The following PCDHGB3 variants were observed in gnomAD, a reference collection of about 807,000 sequenced individuals.
PCDHGB3 encodes protocadherin gamma-B3.
A neutral mutation model predicts 59.2 loss-of-function variants in PCDHGB3; 40 were observed. The observed-to-expected ratio is 0.68, with a 90% CI of 0.52 to 0.88. The LOEUF (loss-of-function observed/expected upper bound fraction) is 0.88, where lower values mean the gene tolerates loss of function less well. Among genes scored for constraint, PCDHGB3 ranks in the 40% least tolerant of loss-of-function variants. PCDHGB3 has a pLI of 0.00. For missense variants in PCDHGB3, 1,309 were observed against 1,187.9 expected (o/e 1.10, Z -1.50); for synonymous variants, 581 against 503.6 (o/e 1.15, Z -2.06).
chr5:141,447,056 G>A (rs1452688256), intron 1 of PCDHGB3, among the ~76,000 whole-genome samples: 1 of 152,058 alleles, frequency 6.6e-6, no homozygotes, highest in Non-Finnish European at 1.5e-5. Flanking sequence ...CTATTAAAAT[G>A]TGTCAGGCTG....
Position 141,487,650 on chromosome 5 carries a change from G to T in PCDHGB3, c.2416-7157G>T, listed in dbSNP as rs772715932. The T allele has an allele frequency of 6.8e-6, 11 of 1,613,876 alleles. No individual in the cohort carries two copies. Among genetic ancestry groups the T allele is most frequent in the Admixed American group, 1.7e-5 (1 of 59,978 alleles). On this transcript the variant is annotated intron_variant, in intron 1 of 3. Coordinates refer to ENST00000576222, the MANE Select transcript of PCDHGB3 (RefSeq NM_018924.5). This position sits in a 1 kb window ranked among gnomAD's most constrained non-coding sequence, Gnocchi z 5.0. ...TTGCAGGCTCAACAAATGCTTGAGG[G>T]TTATTCTGATCCAGGCATATGGCTA...
In PCDHGB3 at chr5:141,372,620, C is replaced by T; in HGVS notation, c.2226C>T (p.Thr742=). ...AGACTGTACCTGGAGTTCTCCCCACCTACAGCGAAAGGACTTTGCCTTATT... is the reference window on the plus strand; with the variant it reads ...AGACTGTACCTGGAGTTCTCCCCACTTACAGCGAAAGGACTTTGCCTTATT... ...CFKTVPGVLP[T]YSERTLPYSY... is the part of the protein sequence containing the mutation. Residue 742 remains threonine, a synonymous_variant, in exon 1 of 4, where the codon ACC becomes ACT. Coordinates refer to ENST00000576222, the MANE Select transcript of PCDHGB3 (RefSeq NM_018924.5). 6.2e-7 allele frequency: 1 copy of T among 1,613,992 alleles called. No individual in the cohort carries two copies.
At chr5:141,418,744 T>C in intron 1 of PCDHGB3, 1 of 1,613,936 alleles carries the variant, frequency 6.2e-7, no homozygotes, top group Non-Finnish European at 8.5e-7. Context: ...TCTCTCTGGA[T>C]TACACTACAG....
chr5:141,431,770 T>A lies in PCDHGB3; in HGVS notation c.2415+58961T>A, dbSNP rs748816389. 7 of 1,614,086 alleles carry A rather than the reference T, an allele frequency of 4.3e-6. No homozygotes were observed. The highest frequency in any genetic ancestry group is 1.3e-5 in the African/African-American group (1 of 74,938). ...CGCGAGCCAAAGTCCTGATCACTGT[T>A]CTGGACGTGAACGACAATGCCCCAG... On this transcript the variant is annotated intron_variant, in intron 1 of 3. Coordinates refer to ENST00000576222, the MANE Select transcript of PCDHGB3 (RefSeq NM_018924.5). This position sits in a 1 kb window ranked among gnomAD's most constrained non-coding sequence, Gnocchi z 4.8.
intron 1 of PCDHGB3, chr5:141,413,669 A>C: frequency 6.2e-7 from 1 of 1,613,844 alleles, no homozygotes; most frequent in South Asian, 1.1e-5. Flanking sequence ...ATTGATCCGG[A>C]TGTGGGCGTG....
In PCDHGB3 at chr5:141,432,540, T is replaced by C. The variant is rs147884705; in HGVS notation, c.2415+59731T>C. The C allele has an allele frequency of 1.2e-6, 2 of 1,613,726 alleles. No homozygotes were observed. The highest frequency in any genetic ancestry group is 2.2e-5 in the South Asian group (2 of 91,058). On this transcript the variant is annotated intron_variant, in intron 1 of 3. Transcript: ENST00000576222. The surrounding 1 kb of genome is among the most constrained non-coding windows in gnomAD (Gnocchi z 6.0). ...TACCTGGTGACCAAGGTGGTGGCGG[T>C]GGACAGAGACTCCGGCCAGAACGCC...
Position 141,477,071 on chromosome 5 carries a change from G to T in PCDHGB3, c.2416-17736G>T. 6.2e-7 allele frequency: 1 copy of T among 1,614,226 alleles called. No individual in the cohort carries two copies. The highest frequency in any genetic ancestry group is 8.5e-7 in the Non-Finnish European group (1 of 1,180,030). ...GGACTTCGAGGACACCAAACTCCAT[G>T]AGATTTACATCCAGGCCAAAGACAA... is the stretch of plus-strand genomic sequence containing the variant. On this transcript the variant is annotated intron_variant, in intron 1 of 3. Coordinates refer to ENST00000576222, the MANE Select transcript of PCDHGB3 (RefSeq NM_018924.5). This position sits in a 1 kb window ranked among gnomAD's most constrained non-coding sequence, Gnocchi z 4.9.
At position 141,390,017 on chromosome 5, in the gene PCDHGB3, G is replaced by C. The variant is rs2092015490; in HGVS notation, c.2415+17208G>C. Reference sequence around the variant, plus strand: ...TGGCCATGATTCTGGCCATTGCCTTGCGCCTGCGACGCTCCTCCAGCCCCG... The same window carrying C: ...TGGCCATGATTCTGGCCATTGCCTTCCGCCTGCGACGCTCCTCCAGCCCCG... On this transcript the variant is annotated intron_variant, in intron 1 of 3. Transcript: ENST00000576222. 1.9e-6 allele frequency: 3 copies of C among 1,613,898 alleles called. No homozygotes were observed. The South Asian group carries it at 3.3e-5, about 18-fold the overall frequency.
intron 1 of PCDHGB3, among the ~76,000 whole-genome samples, chr5:141,456,124 C>G (rs2098844023): frequency 6.6e-6 from 1 of 152,072 alleles, no homozygotes. Context: ...GTCTCCATCT[C>G]CTGACCTCCT....
chr5:141,471,658 G>T (rs1354815239), intron 1 of PCDHGB3: 1 of 152,106 alleles, frequency 6.6e-6, no homozygotes, highest in Admixed American at 6.5e-5. Flanking sequence ...ATGTGGGGAT[G>T]CAGAAAAAAA....
intron 1 of PCDHGB3, among the ~76,000 whole-genome samples, chr5:141,445,711 G>A (rs978623618): frequency 1.3e-5 from 2 of 152,202 alleles, no homozygotes; most frequent in African/African-American, 4.8e-5. Context: ...TTGTCAGGCA[G>A]AGGAAATAGC....
Position 141,476,556 on chromosome 5 carries a change from C to A in PCDHGB3, c.2416-18251C>A. 1 of 1,614,234 alleles carries A rather than the reference C, an allele frequency of 6.2e-7. No homozygotes were observed. Among genetic ancestry groups the A allele is most frequent in the Non-Finnish European group, 8.5e-7 (1 of 1,180,036 alleles). ...GAAATGAAATTGGAGATTAGCGAGG[C>A]CGTGGCTCCGGGGACGCGCTTTCCG... On this transcript the variant is annotated intron_variant, in intron 1 of 3. Coordinates refer to ENST00000576222, the MANE Select transcript of PCDHGB3 (RefSeq NM_018924.5). The surrounding 1 kb of genome is among the most constrained non-coding windows in gnomAD (Gnocchi z 7.6).
chr5:141,404,109 TCCAGGAGAATCTATCTTTTA>T, intron 1 of PCDHGB3: 1 of 1,613,518 alleles, frequency 6.2e-7, no homozygotes, highest in East Asian at 2.2e-5. Flanking sequence ...GTCTGTTCTA[TCCAGGAGAATCTATCTTTTA>T]CATTAGAAAA....
chr5:141,384,703 G>T, intron 1 of PCDHGB3: 2 of 1,614,100 alleles, frequency 1.2e-6, no homozygotes, highest in Non-Finnish European at 8.5e-7. Context: ...AGGCCAGAAC[G>T]CCTGGCTGTC....
At chr5:141,385,582 G>T (rs1192405517) in intron 1 of PCDHGB3, 42 of 1,273,732 alleles carry the variant, frequency 3.3e-5, no homozygotes, top group Non-Finnish European at 4.1e-5. Context: ...TCCAATCTAT[G>T]TTCCAACCTA....
chr5:141,487,616 G>T lies in PCDHGB3; in HGVS notation c.2416-7191G>T. The T allele has an allele frequency of 1.2e-6, 2 of 1,614,220 alleles. No homozygotes were observed. The highest frequency in any genetic ancestry group is 1.7e-6 in the Non-Finnish European group (2 of 1,180,044). ...CTCTGATCTTCTCTATGGGCTAGAGGTGAGACCTTTGCAGGCTCAACAAAT... is the reference window on the plus strand; with the variant it reads ...CTCTGATCTTCTCTATGGGCTAGAGTTGAGACCTTTGCAGGCTCAACAAAT... On this transcript the variant is annotated intron_variant, in intron 1 of 3. Coordinates refer to ENST00000576222, the MANE Select transcript of PCDHGB3 (RefSeq NM_018924.5). This position sits in a 1 kb window ranked among gnomAD's most constrained non-coding sequence, Gnocchi z 5.0.
At position 141,485,379 on chromosome 5, in the gene PCDHGB3, A is replaced by G. The variant is rs749607481; in HGVS notation, c.2416-9428A>G. 12 of 1,613,934 alleles carry G rather than the reference A, an allele frequency of 7.4e-6. No homozygotes were observed. In the Admixed American group the frequency reaches 1.8e-4, roughly 25 times the overall value. The stretch of plus-strand genomic sequence containing the variant: ...GCTCGCAGGCTGCAGGTCGCTGGAG[A>G]GGTGAACCAAAGACACTTCCGTGTG... On this transcript the variant is annotated intron_variant, in intron 1 of 3. Coordinates refer to ENST00000576222, the MANE Select transcript of PCDHGB3 (RefSeq NM_018924.5). This position sits in a 1 kb window ranked among gnomAD's most constrained non-coding sequence, Gnocchi z 5.7.
chr5:141,410,084 ACGG>A (rs748556729), intron 1 of PCDHGB3: 3 of 1,612,532 alleles, frequency 1.9e-6, no homozygotes, highest in Non-Finnish European at 2.5e-6. Context: ...GGAGGTGCGC[ACGG>A]CTCGAGCCTT....
intron 1 of PCDHGB3, chr5:141,389,169 C>G: frequency 6.2e-7 from 1 of 1,614,028 alleles, no homozygotes; most frequent in African/African-American, 1.3e-5. Flanking sequence ...GGGCAAGCCT[C>G]CCCTCTCCTC....
Sources: gnomAD v4.1 joint callset for allele counts (sites outside exome capture counted in the v4.1 genomes callset) on GRCh38, gnomAD v4.1.1 for gene constraint, Gnocchi (gnomAD v3.1) non-coding constraint, MANE v1.5 for transcripts, NCBI Gene and HGNC (gene_info 2026-07-23, HGNC 2026-07-21) for gene names.